The following GALNT13 variants were observed in gnomAD, a reference collection of about 807,000 sequenced individuals.
GALNT13 encodes polypeptide N-acetylgalactosaminyltransferase 13, also known as UDP-GalNAc:polypeptide N-acetylgalactosaminyltransferase 13.
Under a neutral mutation model 64.2 loss-of-function variants are expected in GALNT13, and 28 were observed. That is an observed-to-expected ratio of 0.44 (90% CI 0.32 to 0.60). The LOEUF (loss-of-function observed/expected upper bound fraction) is 0.60. GALNT13 is among the 20% of genes least tolerant of loss of function. GALNT13 has a pLI of 0.05. For synonymous variants in GALNT13, 214 were observed against 224.6 expected (o/e 0.95, Z 0.42); for missense variants, 577 against 669.8 (o/e 0.86, Z 1.53).
chr2:153,886,245 A>T (rs1558835135), intron 1 of GALNT13, among the ~76,000 whole-genome samples: 1 of 150,574 alleles, frequency 6.6e-6, no homozygotes, highest in Non-Finnish European at 1.5e-5. Flanking sequence ...AAGTTTTAGG[A>T]TACATGTGCA....
chr2:153,771,234 A>C, the GALNT13 span, among the ~76,000 whole-genome samples: 3 of 152,338 alleles, frequency 2.0e-5, 1 homozygote, highest in African/African-American at 7.2e-5. Flanking sequence ...ATGTGTCTCA[A>C]GGTGGGTGAT....
chr2:153,533,858 G>A, the GALNT13 span, among the ~76,000 whole-genome samples: 1 of 149,588 alleles, frequency 6.7e-6, no homozygotes, highest in Non-Finnish European at 1.5e-5. Context: ...TTGATCTCTA[G>A]TATTTCTTTT....
At chr2:153,671,106 A>G in the GALNT13 span, among the ~76,000 whole-genome samples, 1 of 152,208 alleles carries the variant, frequency 6.6e-6, no homozygotes. Flanking sequence ...GGGAGAATGG[A>G]ACCAAGGTAG....
chr2:153,290,491 T>C, the GALNT13 span, among the ~76,000 whole-genome samples: 1 of 152,234 alleles, frequency 6.6e-6, no homozygotes, highest in Admixed American at 6.5e-5. Flanking sequence ...CAGTTGTATC[T>C]GAGTAAGAAT....
rs1020194908 is a variant in GALNT13, at chr2:154,236,255, G to A, written c.312-5775G>A. The A allele has an allele frequency of 2.3e-5, 17 of 741,096 alleles. No homozygotes were observed. In the African/African-American group the frequency reaches 3.2e-4, roughly 14 times the overall value. The allele number at this position is 741,096 out of a possible 1,614,324, so 45.9% of individuals were successfully genotyped here. A position where few individuals can be genotyped will look rare whatever the true frequency, so the allele number is the denominator to read the frequency against. ...TCATGCATCATATTTTAAAATGTTG[G>A]CATAAGCCTAAAGGTTTTACATGTT... On this transcript the variant is annotated intron_variant, in intron 4 of 12. Transcript: ENST00000392825.
At chr2:153,595,105 G>T in the GALNT13 span, among the ~76,000 whole-genome samples, 2 of 152,008 alleles carry the variant, frequency 1.3e-5, no homozygotes, top group Non-Finnish European at 2.9e-5. Context: ...GGCATGGAGG[G>T]AGTGAAAAAA....
chr2:153,678,690 A>G, the GALNT13 span, among the ~76,000 whole-genome samples: 2 of 147,858 alleles, frequency 1.4e-5, no homozygotes, highest in African/African-American at 4.9e-5. Context: ...GAAAGGGGGG[A>G]AAAAAAGTAG....
chr2:154,025,827 G>A (rs1179041944), intron 3 of GALNT13, among the ~76,000 whole-genome samples: 1 of 152,066 alleles, frequency 6.6e-6, no homozygotes, highest in Non-Finnish European at 1.5e-5. Context: ...GAGGGAAAGG[G>A]GGTAAGCAAC....
chr2:153,877,231 G>A (rs1686440674), intron 1 of GALNT13, among the ~76,000 whole-genome samples: 2 of 151,884 alleles, frequency 1.3e-5, no homozygotes, highest in South Asian at 4.2e-4. Context: ...AGATAGATGG[G>A]GGCTGTGCAA....
At chr2:153,424,365 A>G in the GALNT13 span, among the ~76,000 whole-genome samples, 2 of 151,700 alleles carry the variant, frequency 1.3e-5, no homozygotes, top group East Asian at 3.9e-4. Context: ...CAATCTGGAT[A>G]TATAGAAGAT....
intron 3 of GALNT13, among the ~76,000 whole-genome samples, chr2:153,966,175 C>T (rs1307692527): frequency 6.7e-6 from 1 of 149,840 alleles, no homozygotes; most frequent in Non-Finnish European, 1.5e-5. Flanking sequence ...CTTCATTTCT[C>T]CTAACTGTTC....
chr2:153,397,793 C>T, the GALNT13 span, among the ~76,000 whole-genome samples: 3 of 152,032 alleles, frequency 2.0e-5, no homozygotes, highest in East Asian at 1.9e-4. Context: ...AATTTACTGA[C>T]GTTTCCACAC....
At chr2:153,860,601 T>C in the GALNT13 span, among the ~76,000 whole-genome samples, 7 of 152,322 alleles carry the variant, frequency 4.6e-5, no homozygotes, top group East Asian at 5.8e-4. Flanking sequence ...CAGGTGGTTG[T>C]TGGGAAGCCA....
At chr2:154,391,619 C>T (rs1005479677) in intron 9 of GALNT13, among the ~76,000 whole-genome samples, 2 of 152,076 alleles carry the variant, frequency 1.3e-5, no homozygotes, top group East Asian at 3.9e-4. Context: ...GGATGTCAGG[C>T]GTGCAAAACA....
chr2:153,606,286 T>C, the GALNT13 span, among the ~76,000 whole-genome samples: 1 of 152,160 alleles, frequency 6.6e-6, no homozygotes, highest in Non-Finnish European at 1.5e-5. Context: ...CGCTGAAAAC[T>C]TGGGGGCCTA....
the GALNT13 span, among the ~76,000 whole-genome samples, chr2:153,247,467 C>T: frequency 6.6e-6 from 1 of 152,168 alleles, no homozygotes; most frequent in Non-Finnish European, 1.5e-5. Flanking sequence ...CAAATTAGAA[C>T]TCAGGGTTAA....
chr2:153,205,855 C>A, the GALNT13 span, among the ~76,000 whole-genome samples: 1 of 151,988 alleles, frequency 6.6e-6, no homozygotes, highest in African/African-American at 2.4e-5. Flanking sequence ...TTAGGACTAA[C>A]TAAATTTACA....
the GALNT13 span, among the ~76,000 whole-genome samples, chr2:153,570,159 C>G: frequency 6.6e-6 from 1 of 152,050 alleles, no homozygotes; most frequent in Non-Finnish European, 1.5e-5. Flanking sequence ...GATATGATAT[C>G]TCATTATAGT....
At chr2:154,297,927 T>A (rs1693024090) in intron 8 of GALNT13, among the ~76,000 whole-genome samples, 1 of 151,674 alleles carries the variant, frequency 6.6e-6, no homozygotes, top group Non-Finnish European at 1.5e-5. Flanking sequence ...CAGGGGTGAA[T>A]CAACAAACCA....
Sources: allele counts gnomAD v4.1 joint callset (sites outside exome capture counted in the v4.1 genomes callset), GRCh38; gene constraint gnomAD v4.1.1; transcripts MANE v1.5; gene names NCBI Gene and HGNC (gene_info 2026-07-23, HGNC 2026-07-21).